Variants in SMYD3 observed in about 807,000 individuals in gnomAD.
SMYD3 encodes the protein histone-lysine N-methyltransferase SMYD3.
A neutral mutation model predicts 57.7 loss-of-function variants in SMYD3; 36 were observed. The ratio of observed to expected loss-of-function variants is 0.62; its 90% CI spans 0.48 to 0.82. The LOEUF (loss-of-function observed/expected upper bound fraction) is 0.82, where lower values mean the gene tolerates loss of function less well. Ranked by LOEUF, SMYD3 falls within the 40% of genes least tolerant of loss-of-function variation. The pLI, the probability that SMYD3 is intolerant of heterozygous loss-of-function variation, is 0.00. For missense variants in SMYD3, 515 were observed against 538.8 expected (o/e 0.96, Z 0.44); for synonymous variants, 211 against 195.0 (o/e 1.08, Z -0.68).
intron 10 of SMYD3, among the ~76,000 whole-genome samples, chr1:245,824,600 A>T (rs1426490188): frequency 1.3e-5 from 2 of 152,176 alleles, no homozygotes; most frequent in East Asian, 3.9e-4. Flanking sequence ...TCACGCCTGT[A>T]ATCCCAGCAC....
intron 5 of SMYD3, among the ~76,000 whole-genome samples, chr1:246,163,338 T>C (rs912939215): frequency 2.0e-5 from 3 of 152,230 alleles, no homozygotes; most frequent in African/African-American, 7.2e-5. Flanking sequence ...CAGCAATATG[T>C]TCACGTCTTT....
intron 7 of SMYD3, among the ~76,000 whole-genome samples, chr1:245,918,446 C>A (rs904202742): frequency 2.0e-5 from 3 of 152,158 alleles, no homozygotes; most frequent in Non-Finnish European, 4.4e-5. Context: ...AATACTCACA[C>A]CTGTGTTAGA....
chr1:246,082,586 C>T (rs1572993921), intron 5 of SMYD3, among the ~76,000 whole-genome samples: 1 of 152,168 alleles, frequency 6.6e-6, no homozygotes, highest in Non-Finnish European at 1.5e-5. Context: ...CTTGGTGAGA[C>T]TGGTTTGAGT....
chr1:246,171,142 C>A (rs2062323474), intron 5 of SMYD3, among the ~76,000 whole-genome samples: 1 of 152,044 alleles, frequency 6.6e-6, no homozygotes, highest in Non-Finnish European at 1.5e-5. Context: ...TGTGCTCCCA[C>A]GCATTGGGTG....
chr1:246,502,633 C>T (rs987002056), intron 1 of SMYD3, among the ~76,000 whole-genome samples: 10 of 152,150 alleles, frequency 6.6e-5, no homozygotes, highest in South Asian at 2.1e-4. Context: ...TGGCTGCTTT[C>T]GGGTAGATTT....
At chr1:246,050,280 T>C in intron 5 of SMYD3, among the ~76,000 whole-genome samples, 1 of 152,176 alleles carries the variant, frequency 6.6e-6, no homozygotes, top group East Asian at 1.9e-4. Context: ...ACAAAAATAG[T>C]TCACAGAGAT....
intron 5 of SMYD3, among the ~76,000 whole-genome samples, chr1:246,106,961 AAAGAGAAAGTAATAC>A: frequency 6.6e-6 from 1 of 152,314 alleles, no homozygotes; most frequent in Admixed American, 6.5e-5. Flanking sequence ...GAACGTGAAA[AAAGAGAAAGTAATAC>A]AAGAGTTGGG....
chr1:246,004,679 G>T (rs2059139092), intron 5 of SMYD3, among the ~76,000 whole-genome samples: 1 of 152,154 alleles, frequency 6.6e-6, no homozygotes, highest in African/African-American at 2.4e-5. Flanking sequence ...CTCTATCCTT[G>T]GGAGCCCAGG....
intron 5 of SMYD3, among the ~76,000 whole-genome samples, chr1:246,317,352 T>C (rs1313495347): frequency 6.6e-6 from 1 of 152,244 alleles, no homozygotes; most frequent in African/African-American, 2.4e-5. Context: ...CACATCCTAT[T>C]TCCAATTGTG....
intron 7 of SMYD3, among the ~76,000 whole-genome samples, chr1:245,924,218 T>G (rs998262407): frequency 3.3e-5 from 5 of 152,286 alleles, no homozygotes; most frequent in Non-Finnish European, 5.9e-5. Context: ...TAAGATAATT[T>G]TGAAAAGGTA....
At chr1:246,135,637 G>GACACAC (rs372041525) in intron 5 of SMYD3, among the ~76,000 whole-genome samples, 5 of 150,536 alleles carry the variant, frequency 3.3e-5, no homozygotes, top group South Asian at 2.1e-4. Flanking sequence ...AATTGTCTCA[G>GACACAC]ACACACACAC....
At chr1:246,276,355 T>G (rs2064332265) in intron 5 of SMYD3, among the ~76,000 whole-genome samples, 1 of 126,018 alleles carries the variant, frequency 7.9e-6, no homozygotes, top group Admixed American at 8.0e-5. Context: ...ACTCCATTTT[T>G]TCACTACCCG....
At chr1:245,826,130 C>T (rs7552356) in intron 10 of SMYD3, among the ~76,000 whole-genome samples, 125,181 of 148,932 alleles carry the variant, frequency 0.84, 54,043 homozygotes, top group Non-Finnish European at 0.95. Context: ...TATATTCACA[C>T]TGTTGTATAA....
chr1:246,265,305 T>G (rs2064084032), intron 5 of SMYD3, among the ~76,000 whole-genome samples: 1 of 138,824 alleles, frequency 7.2e-6, no homozygotes, highest in African/African-American at 2.7e-5. Flanking sequence ...CTAATTTTTG[T>G]ATTTTTTTTT....
intron 10 of SMYD3, among the ~76,000 whole-genome samples, chr1:245,774,239 G>A (rs1009053987): frequency 6.6e-6 from 1 of 152,186 alleles, no homozygotes; most frequent in Non-Finnish European, 1.5e-5. Context: ...AAAAGAGCAA[G>A]CCCACTGTCT....
intron 5 of SMYD3, among the ~76,000 whole-genome samples, chr1:246,272,954 A>C (rs2064249491): frequency 6.6e-6 from 1 of 152,084 alleles, no homozygotes; most frequent in African/African-American, 2.4e-5. Flanking sequence ...TACTGATTCA[A>C]TCTCCTAACT....
intron 1 of SMYD3, among the ~76,000 whole-genome samples, chr1:246,364,922 T>C (rs975600249): frequency 6.6e-6 from 1 of 151,944 alleles, no homozygotes; most frequent in Non-Finnish European, 1.5e-5. Context: ...CAAAAGGACA[T>C]GCAATGGTGG....
At chr1:246,420,406 A>T (rs1199983764) in intron 1 of SMYD3, among the ~76,000 whole-genome samples, 1 of 152,236 alleles carries the variant, frequency 6.6e-6, no homozygotes, top group Non-Finnish European at 1.5e-5. Flanking sequence ...GCACGCAATA[A>T]ACATGTATTA....
chr1:246,314,076 C>G (rs1314531313), intron 5 of SMYD3, among the ~76,000 whole-genome samples: 2 of 152,082 alleles, frequency 1.3e-5, no homozygotes, highest in African/African-American at 4.8e-5. Context: ...ATGAATAATC[C>G]ACCCTCCTCC....
Sources: gnomAD v4.1 joint callset for allele counts (sites outside exome capture counted in the v4.1 genomes callset) on GRCh38, gnomAD v4.1.1 for gene constraint, MANE v1.5 for transcripts, NCBI Gene and HGNC (gene_info 2026-07-23, HGNC 2026-07-21) for gene names.